The following ADAMTSL1 variants were observed in gnomAD, a reference collection of about 807,000 sequenced individuals.
ADAMTSL1 encodes the protein ADAMTS-like protein 1.
A neutral mutation model predicts 201.8 loss-of-function variants in ADAMTSL1; 126 were observed. The observed-to-expected ratio is 0.62, with a 90% CI of 0.54 to 0.72. ADAMTSL1 has a LOEUF of 0.72. ADAMTSL1 is among the 30% of genes least tolerant of loss of function. The pLI, the probability that ADAMTSL1 is intolerant of heterozygous loss-of-function variation, is 0.00. For missense variants in ADAMTSL1, 2,679 were observed against 2,277.8 expected, an observed-to-expected ratio of 1.18 and a Z score of -3.59; for synonymous variants, 1,121 against 903.4, an observed-to-expected ratio of 1.24 and a Z score of -4.32.
At chr9:18,051,787 TTCTC>T (rs1280907176) in intron 1 of ADAMTSL1, among the ~76,000 whole-genome samples, 1 of 152,152 alleles carries the variant, frequency 6.6e-6, no homozygotes, top group African/African-American at 2.4e-5. Flanking sequence ...GCGATGCCAT[TTCTC>T]TCTCTGTTGG....
intron 21 of ADAMTSL1, among the ~76,000 whole-genome samples, chr9:18,818,450 A>G (rs1824001828): frequency 6.6e-6 from 1 of 152,190 alleles, no homozygotes; most frequent in South Asian, 2.1e-4. Context: ...CTGTTTCCGA[A>G]TAACAGCCAA....
intron 2 of ADAMTSL1, among the ~76,000 whole-genome samples, chr9:18,354,442 CTT>C (rs901582764): frequency 8.5e-5 from 13 of 152,076 alleles, no homozygotes; most frequent in Non-Finnish European, 1.9e-4. Context: ...AATTCATAAA[CTT>C]TGCTGTTACG....
intron 2 of ADAMTSL1, among the ~76,000 whole-genome samples, chr9:18,167,916 G>A (rs1290636775): frequency 6.6e-6 from 1 of 151,960 alleles, no homozygotes; most frequent in Non-Finnish European, 1.5e-5. Flanking sequence ...TCTTTCATTA[G>A]CATCTTCCCA....
intron 2 of ADAMTSL1, among the ~76,000 whole-genome samples, chr9:18,254,636 T>A (rs371226657): frequency 6.6e-6 from 1 of 151,598 alleles, no homozygotes; most frequent in Non-Finnish European, 1.5e-5. Context: ...GTGCTGGGAT[T>A]ACAGGCGTGA....
intron 23 of ADAMTSL1, among the ~76,000 whole-genome samples, chr9:18,883,496 G>A (rs966808736): frequency 1.3e-5 from 2 of 152,124 alleles, no homozygotes; most frequent in East Asian, 1.9e-4. Flanking sequence ...TGATGCCATT[G>A]CATACATCTA....
intron 2 of ADAMTSL1, among the ~76,000 whole-genome samples, chr9:18,170,796 A>T (rs1347061454): frequency 6.6e-6 from 1 of 152,098 alleles, no homozygotes; most frequent in African/African-American, 2.4e-5. Context: ...TGTGTCACAT[A>T]CAGATTCTCT....
intron 16 of ADAMTSL1, among the ~76,000 whole-genome samples, chr9:18,755,371 G>T (rs1353951604): frequency 1.3e-5 from 2 of 152,096 alleles, no homozygotes; most frequent in Admixed American, 6.6e-5. Context: ...TTGCTATTAG[G>T]TACATAAGTT....
At chr9:18,668,604 C>G (rs1047497812) in intron 9 of ADAMTSL1, among the ~76,000 whole-genome samples, 4 of 152,144 alleles carry the variant, frequency 2.6e-5, no homozygotes, top group African/African-American at 4.8e-5. Context: ...TAAGTAACTT[C>G]TTATCTAGGC....
chr9:17,932,515 C>T (rs2840771), intron 1 of ADAMTSL1, among the ~76,000 whole-genome samples: 127,471 of 152,152 alleles, frequency 0.84, 53,727 homozygotes, highest in East Asian at 0.94. Context: ...ACTCATTTTT[C>T]GTTGAAGGCG....
At chr9:18,257,834 A>G (rs1182391901) in intron 2 of ADAMTSL1, among the ~76,000 whole-genome samples, 1 of 152,240 alleles carries the variant, frequency 6.6e-6, no homozygotes, top group Non-Finnish European at 1.5e-5. Flanking sequence ...ATAGAGTTAT[A>G]ATGAATCTTA....
intron 15 of ADAMTSL1, chr9:18,722,971 A>G (rs1265497019): frequency 2.6e-6 from 2 of 767,088 alleles, no homozygotes; most frequent in African/African-American, 3.4e-5. Flanking sequence ...TGTGTGGGCA[A>G]AGGGCACCAA....
At chr9:18,237,067 T>A (rs1830876555) in intron 2 of ADAMTSL1, among the ~76,000 whole-genome samples, 1 of 152,248 alleles carries the variant, frequency 6.6e-6, no homozygotes, top group South Asian at 2.1e-4. Flanking sequence ...ACATTTTTTG[T>A]GTCTCCAAGT....
intron 1 of ADAMTSL1, among the ~76,000 whole-genome samples, chr9:17,912,178 T>G (rs1825917045): frequency 1.7e-5 from 1 of 58,690 alleles, no homozygotes; most frequent in African/African-American, 3.3e-5. Context: ...CAGCATGATT[T>G]ATAGTCCTTT....
At chr9:18,147,109 A>T (rs910027592) in intron 1 of ADAMTSL1, among the ~76,000 whole-genome samples, 3 of 152,176 alleles carry the variant, frequency 2.0e-5, no homozygotes, top group African/African-American at 7.2e-5. Context: ...ACAGTCCCGT[A>T]TTCAAATTCC....
intron 1 of ADAMTSL1, among the ~76,000 whole-genome samples, chr9:18,001,896 A>G (rs2131533043): frequency 6.6e-6 from 1 of 152,082 alleles, no homozygotes; most frequent in African/African-American, 2.4e-5. Flanking sequence ...CAGAGCATGT[A>G]GAAACCAGAT....
At chr9:18,385,160 G>C (rs922162045) in intron 2 of ADAMTSL1, among the ~76,000 whole-genome samples, 1 of 152,048 alleles carries the variant, frequency 6.6e-6, no homozygotes, top group Non-Finnish European at 1.5e-5. Context: ...GGAGAGTCTG[G>C]GCTATTTTTC....
At chr9:18,137,727 T>C (rs975279347) in intron 1 of ADAMTSL1, among the ~76,000 whole-genome samples, 1 of 152,204 alleles carries the variant, frequency 6.6e-6, no homozygotes, top group Non-Finnish European at 1.5e-5. Context: ...CCTACAGTTG[T>C]AGAATTCTGT....
At chr9:17,934,125 C>T (rs1285954141) in intron 1 of ADAMTSL1, among the ~76,000 whole-genome samples, 2 of 152,134 alleles carry the variant, frequency 1.3e-5, no homozygotes, top group African/African-American at 4.8e-5. Context: ...GGACAAGGCA[C>T]TATCACCATT....
At chr9:18,405,611 CA>C (rs1818158884) in intron 2 of ADAMTSL1, among the ~76,000 whole-genome samples, 1 of 117,394 alleles carries the variant, frequency 8.5e-6, no homozygotes, top group African/African-American at 3.4e-5. Context: ...GAAGAAAGGG[CA>C]AAACTTGGAA....
Sources: allele counts gnomAD v4.1 joint callset (sites outside exome capture counted in the v4.1 genomes callset), GRCh38; gene constraint gnomAD v4.1.1; transcripts MANE v1.5; gene names NCBI Gene and HGNC (gene_info 2026-07-23, HGNC 2026-07-21).